RRAD: variants seen among roughly 807,000 people sequenced by gnomAD.
The protein encoded by RRAD is RRAD, Ras related glycolysis inhibitor and calcium channel regulator.
RRAD carries 15 observed loss-of-function variants against 24.7 expected under a neutral mutation model. That is an observed-to-expected ratio of 0.61 (90% CI 0.41 to 0.93). The LOEUF (loss-of-function observed/expected upper bound fraction) is 0.93, where lower values mean the gene tolerates loss of function less well. Ranked by LOEUF, RRAD falls within the 40% of genes least tolerant of loss-of-function variation. The pLI, the probability that RRAD is intolerant of heterozygous loss-of-function variation, is 0.00. For missense variants in RRAD, 438 were observed against 452.2 expected (o/e 0.97, Z 0.29); for synonymous variants, 180 against 189.8 (o/e 0.95, Z 0.43).
In RRAD at chr16:66,925,460, C is replaced by T; in HGVS notation, c.-67G>A. The T allele has an allele frequency of 7.0e-6, 2 of 286,724 alleles. No individual in the cohort carries two copies. Among genetic ancestry groups the T allele is most frequent in the Non-Finnish European group, 1.3e-5 (2 of 155,068 alleles). The allele number at this position is 286,724 out of a possible 1,614,324, so 17.8% of individuals were successfully genotyped here. A position where few individuals can be genotyped will look rare whatever the true frequency, so the allele number is the denominator to read the frequency against. Reference sequence around the variant, plus strand: ...CTAGGATCCGGATTAGGAGGCCACGCACTCGTAGTCCGGACTCGGACTTTA... The same window carrying T: ...CTAGGATCCGGATTAGGAGGCCACGTACTCGTAGTCCGGACTCGGACTTTA... On this transcript the variant is annotated 5_prime_UTR_variant, in exon 1 of 5. Coordinates refer to ENST00000299759, the MANE Select transcript of RRAD (RefSeq NM_004165.3). This position sits in a 1 kb window ranked among gnomAD's most constrained non-coding sequence, Gnocchi z 5.2.
rs756200601 is a variant in RRAD at position 66,921,991 on chromosome 16, C to T, written c.*85G>A. 2.0e-5 allele frequency: 26 copies of T among 1,297,998 alleles called. No individual in the cohort carries two copies. Among genetic ancestry groups the T allele is most frequent in the Non-Finnish European group, 2.8e-5 (26 of 933,848 alleles). 80.4% of individuals were successfully genotyped at this position (1,297,998 alleles called of 1,614,324 possible). On this transcript the variant is annotated 3_prime_UTR_variant, in exon 5 of 5. Coordinates refer to ENST00000299759, the MANE Select transcript of RRAD (RefSeq NM_004165.3). Reference sequence around the variant, plus strand: ...GCTCCGAGGGACCCAGAGTCTGAGCCTGCTCTGAGGCACCCGGGGCAGTTG... The same window carrying T: ...GCTCCGAGGGACCCAGAGTCTGAGCTTGCTCTGAGGCACCCGGGGCAGTTG...
At chr16:66,922,620 C>CAA (rs1243695600) in intron 4 of RRAD, among the ~76,000 whole-genome samples, 1 of 152,214 alleles carries the variant, frequency 6.6e-6, no homozygotes, top group African/African-American at 2.4e-5. Flanking sequence ...GATATTTAAA[C>CAA]AAAGTACGAC....
At chr16:66,922,591 T>C (rs571106259) in intron 4 of RRAD, among the ~76,000 whole-genome samples, 62 of 152,364 alleles carry the variant, frequency 4.1e-4, no homozygotes, top group African/African-American at 1.5e-3. Context: ...GATCCATTTA[T>C]TGAAATAATT....
Position 66,922,045 on chromosome 16 carries a change from C to T in RRAD, c.*31G>A, listed in dbSNP as rs759943374. Reference sequence around the variant, plus strand: ...GGGCCAGCCCACCAACCCTTCCGTTCGTCTCCCACCATAGTGGGAGCGGGT... The same window carrying T: ...GGGCCAGCCCACCAACCCTTCCGTTTGTCTCCCACCATAGTGGGAGCGGGT... On this transcript the variant is annotated 3_prime_UTR_variant, in exon 5 of 5. Transcript: ENST00000299759. 52 of 1,578,938 alleles carry T rather than the reference C, an allele frequency of 3.3e-5. No individual in the cohort carries two copies. The highest frequency in any genetic ancestry group is 4.4e-5 in the Non-Finnish European group (51 of 1,154,300).
chr16:66,923,874 G>A lies in RRAD; in HGVS notation c.416C>T (p.Ser139Leu). The A allele has an allele frequency of 6.2e-7, 1 of 1,614,046 alleles. No homozygotes were observed. Residue 139 changes from serine (S) to leucine (L), a missense_variant, in exon 3 of 5, where the codon TCA becomes TTA. Transcript: ENST00000299759. The surrounding 1 kb of genome is among the most constrained non-coding windows in gnomAD (Gnocchi z 4.9). ...CTCCCAAATGTCGTAGACCATGAGT[G>A]ATGCCTCTTCTCCGTCCACTACAAT... ...RSIVVDGEEA[S>L]LMVYDIWEQD...
In RRAD at chr16:66,924,016, GC is replaced by G; in HGVS notation, c.371-98del. On this transcript the variant is annotated intron_variant, in intron 2 of 4. Coordinates refer to ENST00000299759, the MANE Select transcript of RRAD (RefSeq NM_004165.3). This position sits in a 1 kb window ranked among gnomAD's most constrained non-coding sequence, Gnocchi z 4.2. ...CCACACCCTCCAACTCTTCCCCAGA[GC>G]CCTCCTTACCCTCCACTCCACTTGC... is the stretch of plus-strand genomic sequence containing the variant. 1 of 949,110 alleles carries G rather than the reference GC, an allele frequency of 1.1e-6. No individual in the cohort carries two copies. The highest frequency in any genetic ancestry group is 1.7e-6 in the Non-Finnish European group (1 of 576,834). The allele number at this position is 949,110 out of a possible 1,614,324, so 58.8% of individuals were successfully genotyped here.
Position 66,923,453 on chromosome 16 carries a change from A to C in RRAD, c.649+63T>G. Reference sequence around the variant, plus strand: ...GATCCCCAGGGACTCAAGCTGAGCCAAGACTGCCTGGATCAGGGCCCAGCT... The same window carrying C: ...GATCCCCAGGGACTCAAGCTGAGCCCAGACTGCCTGGATCAGGGCCCAGCT... On this transcript the variant is annotated intron_variant, in intron 4 of 4. Coordinates refer to ENST00000299759, the MANE Select transcript of RRAD (RefSeq NM_004165.3). This position sits in a 1 kb window ranked among gnomAD's most constrained non-coding sequence, Gnocchi z 4.9. 7.2e-7 allele frequency: 1 copy of C among 1,385,144 alleles called. No homozygotes were observed. Among genetic ancestry groups the C allele is most frequent in the Non-Finnish European group, 1.0e-6 (1 of 1,004,112 alleles). The allele number at this position is 1,385,144 out of a possible 1,614,324, so 85.8% of individuals were successfully genotyped here. A position where few individuals can be genotyped will look rare whatever the true frequency, so the allele number is the denominator to read the frequency against.
rs559855487 is a variant in RRAD at position 66,921,851 on chromosome 16, T to G, written c.*225A>C. On this transcript the variant is annotated 3_prime_UTR_variant, in exon 5 of 5. Transcript: ENST00000299759. ...GCGCTGCGGCTGCTTGGGACGCATA[T>G]GAGCCTGCGCATGCATCTCTGTGGG... is the stretch of plus-strand genomic sequence containing the variant. 1 of 523,682 alleles carries G rather than the reference T, an allele frequency of 1.9e-6. No homozygotes were observed. The highest frequency in any genetic ancestry group is 3.1e-5 in the South Asian group (1 of 32,192). 32.4% of individuals were successfully genotyped at this position (523,682 alleles called of 1,614,324 possible). A position where few individuals can be genotyped will look rare whatever the true frequency, so the allele number is the denominator to read the frequency against.
In RRAD at chr16:66,924,716, A is replaced by G; in HGVS notation, c.370+94T>C. 2.2e-6 allele frequency: 2 copies of G among 922,790 alleles called. No homozygotes were observed. Among genetic ancestry groups the G allele is most frequent in the Non-Finnish European group, 2.9e-6 (2 of 687,560 alleles). The allele number at this position is 922,790 out of a possible 1,614,324, so 57.2% of individuals were successfully genotyped here. On this transcript the variant is annotated intron_variant, in intron 2 of 4. Coordinates refer to ENST00000299759, the MANE Select transcript of RRAD (RefSeq NM_004165.3). This position sits in a 1 kb window ranked among gnomAD's most constrained non-coding sequence, Gnocchi z 4.2. Reference sequence around the variant, plus strand: ...AATAATAATAACAACAACAACAACTATAATTCCACGGTATTTGCGGCTTTG... The same window carrying G: ...AATAATAATAACAACAACAACAACTGTAATTCCACGGTATTTGCGGCTTTG...
chr16:66,921,962 G>A lies in RRAD; in HGVS notation c.*114C>T, dbSNP rs1962919274. 2 of 918,894 alleles carry A rather than the reference G, an allele frequency of 2.2e-6. No homozygotes were observed. The highest frequency in any genetic ancestry group is 5.3e-5 in the East Asian group (2 of 37,882). 56.9% of individuals were successfully genotyped at this position (918,894 alleles called of 1,614,324 possible). A position where few individuals can be genotyped will look rare whatever the true frequency, so the allele number is the denominator to read the frequency against. The stretch of plus-strand genomic sequence containing the variant: ...ACCATGAGGTTGGGGGTGCCCGGCT[G>A]GCAGCTCCGAGGGACCCAGAGTCTG... On this transcript the variant is annotated 3_prime_UTR_variant, in exon 5 of 5. Coordinates refer to ENST00000299759, the MANE Select transcript of RRAD (RefSeq NM_004165.3).
chr16:66,921,952 G>T lies in RRAD; in HGVS notation c.*124C>A, dbSNP rs550762575. ...TCTGTCCATGACCATGAGGTTGGGG[G>T]TGCCCGGCTGGCAGCTCCGAGGGAC... On this transcript the variant is annotated 3_prime_UTR_variant, in exon 5 of 5. Transcript: ENST00000299759. 230 of 794,258 alleles carry T rather than the reference G, an allele frequency of 2.9e-4. 3 individuals are homozygous for T. The South Asian group carries it at 3.9e-3, about 14-fold the overall frequency. 49.2% of individuals were successfully genotyped at this position (794,258 alleles called of 1,614,324 possible). A position where few individuals can be genotyped will look rare whatever the true frequency, so the allele number is the denominator to read the frequency against.
rs772896854 is a variant in RRAD at position 66,924,802 on chromosome 16, C to T, written c.370+8G>A. 6.5e-7 allele frequency: 1 copy of T among 1,534,688 alleles called. No individual in the cohort carries two copies. Among genetic ancestry groups the T allele is most frequent in the South Asian group, 1.2e-5 (1 of 82,544 alleles). ...TCGCCCCTCCCCTGAACAGCTGGGT[C>T]CCCTCACCTGCTGCCTCTGCTTCAG... On this transcript the variant is annotated splice_region_variant and intron_variant, in intron 2 of 4. Coordinates refer to ENST00000299759, the MANE Select transcript of RRAD (RefSeq NM_004165.3). This position sits in a 1 kb window ranked among gnomAD's most constrained non-coding sequence, Gnocchi z 4.2.
chr16:66,923,539 C>A lies in RRAD; in HGVS notation c.626G>T (p.Arg209Leu), dbSNP rs767854266. The A allele has an allele frequency of 6.2e-7, 1 of 1,609,694 alleles. No individual in the cohort carries two copies. The highest frequency in any genetic ancestry group is 8.5e-7 in the Non-Finnish European group (1 of 1,179,880). The change falls in exon 4 of 5, where the codon CGC (arginine) becomes CTC (leucine). Residue 209 changes from arginine (R) to leucine (L), a missense_variant. Transcript: ENST00000299759. The surrounding 1 kb of genome is among the most constrained non-coding windows in gnomAD (Gnocchi z 4.9). ...ILVGNKSDLVRSREVSVDEGR... is the reference protein window; with the variant it reads ...ILVGNKSDLVLSREVSVDEGR... ...ACCATCCACCGAGACCTCACGAGAG[C>A]GCACCAGGTCGCTCTTGTTGCCCAC...
Position 66,923,601 on chromosome 16 carries a change from C to T in RRAD, c.564G>A (p.Arg188=). The change falls in exon 4 of 5, where the codon CGG becomes CGA. Residue 188 remains arginine (R), a synonymous_variant. Transcript: ENST00000299759. The surrounding 1 kb of genome is among the most constrained non-coding windows in gnomAD (Gnocchi z 4.9). Reference sequence around the variant, plus strand: ...GCACATCATCTGTTTGCCGTGCACGCCGCAGCTGGACCCGCAGTTCTGAGG... The same window carrying T: ...GCACATCATCTGTTTGCCGTGCACGTCGCAGCTGGACCCGCAGTTCTGAGG... ...EKASELRVQL[R]RARQTDDVPI... is the part of the protein sequence containing the mutation. 1 of 1,613,894 alleles carries T rather than the reference C, an allele frequency of 6.2e-7. No individual in the cohort carries two copies. Among genetic ancestry groups the T allele is most frequent in the Non-Finnish European group, 8.5e-7 (1 of 1,180,018 alleles).
At position 66,924,979 on chromosome 16, in the gene RRAD, AC is replaced by A. The variant is rs1225500018; in HGVS notation, c.200del (p.Gly67ValfsTer66). 1 of 1,463,682 alleles carries A rather than the reference AC, an allele frequency of 6.8e-7. No homozygotes were observed. 90.7% of individuals were successfully genotyped at this position (1,463,682 alleles called of 1,614,324 possible). ...AGTCCTCGGGCCAGTCCAGCCTGGGACCCTGGGTCCCCGTCCCGGCCGCGGC... is the reference window on the plus strand; with the variant it reads ...AGTCCTCGGGCCAGTCCAGCCTGGGACCTGGGTCCCCGTCCCGGCCGCGGC... ...TAAAAGTGTQ[G>X]PRLDWPEDSE... On this transcript the variant is annotated frameshift_variant, in exon 2 of 5. Coordinates refer to ENST00000299759, the MANE Select transcript of RRAD (RefSeq NM_004165.3). LOFTEE classifies it high-confidence loss of function. This position sits in a 1 kb window ranked among gnomAD's most constrained non-coding sequence, Gnocchi z 4.2.
At position 66,924,733 on chromosome 16, in the gene RRAD, G is replaced by T; in HGVS notation, c.370+77C>A. 8.9e-7 allele frequency: 1 copy of T among 1,129,504 alleles called. No homozygotes were observed. The highest frequency in any genetic ancestry group is 1.2e-6 in the Non-Finnish European group (1 of 863,264). The allele number at this position is 1,129,504 out of a possible 1,614,324, so 70.0% of individuals were successfully genotyped here. A position where few individuals can be genotyped will look rare whatever the true frequency, so the allele number is the denominator to read the frequency against. On this transcript the variant is annotated intron_variant, in intron 2 of 4. Coordinates refer to ENST00000299759, the MANE Select transcript of RRAD (RefSeq NM_004165.3). The surrounding 1 kb of genome is among the most constrained non-coding windows in gnomAD (Gnocchi z 4.2). The stretch of plus-strand genomic sequence containing the variant: ...CAACAACTATAATTCCACGGTATTT[G>T]CGGCTTTGAGTACCGGTCTCAGCCC...
chr16:66,923,774 G>A lies in RRAD; in HGVS notation c.445-54C>T, dbSNP rs983081458. On this transcript the variant is annotated intron_variant, in intron 3 of 4. Transcript: ENST00000299759. This position sits in a 1 kb window ranked among gnomAD's most constrained non-coding sequence, Gnocchi z 4.9. The stretch of plus-strand genomic sequence containing the variant: ...AACAGTCCTCATGCCCCCGACACGA[G>A]CCTGGCACTCCCAGACCTCTAACCC... 292 of 1,610,670 alleles carry A rather than the reference G, an allele frequency of 1.8e-4. No homozygotes were observed. Among genetic ancestry groups the A allele is most frequent in the African/African-American group, 3.3e-4 (25 of 74,762 alleles).
rs2145485655 is a variant in RRAD, at chr16:66,924,271, G to A, written c.371-352C>T. ...TCTATGCCCTGGCCTTCTACTCTGG[G>A]CATTTCTTCCCTACCAAAGGCTGGG... On this transcript the variant is annotated intron_variant, in intron 2 of 4. Coordinates refer to ENST00000299759, the MANE Select transcript of RRAD (RefSeq NM_004165.3). This position sits in a 1 kb window ranked among gnomAD's most constrained non-coding sequence, Gnocchi z 4.2. Among the ~76,000 whole-genome samples, 1 of 152,302 alleles carries A rather than the reference G, an allele frequency of 6.6e-6. No individual in the cohort carries two copies. Among genetic ancestry groups the A allele is most frequent in the East Asian group, 1.9e-4 (1 of 5,170 alleles).
At position 66,925,009 on chromosome 16, in the gene RRAD, C is replaced by G. The variant is rs1470469429; in HGVS notation, c.171G>C (p.Thr57=). The G allele has an allele frequency of 2.1e-6, 3 of 1,426,160 alleles. No individual in the cohort carries two copies. The highest frequency in any genetic ancestry group is 1.4e-5 in the South Asian group (1 of 69,660). The allele number at this position is 1,426,160 out of a possible 1,614,324, so 88.3% of individuals were successfully genotyped here. ...LQAALTPGAL[T]AAAAGTGTQG... is the part of the protein sequence containing the mutation. ...GGGTCCCCGTCCCGGCCGCGGCCGC[C>G]GTCAGGGCACCCGGGGTCAGCGCCG... Residue 57 remains threonine (T), a synonymous_variant, in exon 2 of 5, where the codon ACG becomes ACC. Coordinates refer to ENST00000299759, the MANE Select transcript of RRAD (RefSeq NM_004165.3). This position sits in a 1 kb window ranked among gnomAD's most constrained non-coding sequence, Gnocchi z 5.2.
Sources: allele counts gnomAD v4.1 joint callset (sites outside exome capture counted in the v4.1 genomes callset), GRCh38; gene constraint gnomAD v4.1.1; non-coding constraint Gnocchi (gnomAD v3.1); transcripts MANE v1.5; gene names NCBI Gene and HGNC (gene_info 2026-07-23, HGNC 2026-07-21).